CTDP1: variants seen among roughly 807,000 people sequenced by gnomAD.
The protein encoded by CTDP1 is RNA polymerase II subunit A C-terminal domain phosphatase.
In CTDP1, 47 loss-of-function variants were observed where a neutral mutation model predicts 91.8. That is an observed-to-expected ratio of 0.51 (90% CI 0.41 to 0.65). The LOEUF (loss-of-function observed/expected upper bound fraction) is 0.65. Ranked by LOEUF, CTDP1 falls within the 30% of genes least tolerant of loss-of-function variation. The pLI is 0.00. For missense variants in CTDP1, 1,272 were observed against 1,373.7 expected, an observed-to-expected ratio of 0.93 and a Z score of 1.17; for synonymous variants, 656 against 598.5, an observed-to-expected ratio of 1.10 and a Z score of -1.40.
chr18:79,711,122 A>G (rs907407151), intron 6 of CTDP1, among the ~76,000 whole-genome samples: 4 of 151,826 alleles, frequency 2.6e-5, no homozygotes, highest in Non-Finnish European at 4.4e-5. Flanking sequence ...AGACAGCACA[A>G]TTCGATGTCA....
rs976178862 is a variant in CTDP1 at position 79,701,518 on chromosome 18, TAATAAATAAATTA to T, written c.622-3237_622-3225del. Among the ~76,000 whole-genome samples the T allele has an allele frequency of 4.8e-5, 6 of 124,334 alleles. No individual in the cohort carries two copies. In the East Asian group the frequency reaches 6.6e-4, roughly 14 times the overall value. The allele number at this position is 124,334 out of a possible 152,430, so 81.6% of individuals were successfully genotyped here. Reference sequence around the variant, plus strand: ...GAGCAAGACTCCATCTCAAAAAAAATAATAAATAAATTAAATAAATAAATAAATAAATAAATAA... The same window carrying T: ...GAGCAAGACTCCATCTCAAAAAAAATAATAAATAAATAAATAAATAAATAA... On this transcript the variant is annotated intron_variant, in intron 4 of 12. Transcript: ENST00000613122.
intron 10 of CTDP1, among the ~76,000 whole-genome samples, chr18:79,724,674 T>C (rs1454446718): frequency 2.0e-5 from 3 of 152,244 alleles, no homozygotes; most frequent in East Asian, 3.8e-4. Context: ...GCAAAAGTTA[T>C]TAATTTTCAC....
At chr18:79,748,064 ATC>A (rs2086916402) in intron 12 of CTDP1, among the ~76,000 whole-genome samples, 1 of 152,194 alleles carries the variant, frequency 6.6e-6, no homozygotes, top group Non-Finnish European at 1.5e-5. Context: ...CCCAAATTCT[ATC>A]TGTTAACATT....
chr18:79,720,167 C>T (rs1035757087), intron 10 of CTDP1, among the ~76,000 whole-genome samples: 33 of 148,420 alleles, frequency 2.2e-4, no homozygotes, highest in African/African-American at 7.2e-4. Flanking sequence ...GATGATGTCA[C>T]CTGTTGTGTC....
At chr18:79,746,782 A>G (rs1452817786) in intron 12 of CTDP1, among the ~76,000 whole-genome samples, 2 of 152,036 alleles carry the variant, frequency 1.3e-5, no homozygotes, top group Non-Finnish European at 2.9e-5. Context: ...ATGCCTGGCT[A>G]ATGTTTTTAA....
In CTDP1 at chr18:79,715,151, CG is replaced by C. The variant is rs2086176923; in HGVS notation, c.1696del (p.Val566SerfsTer74). On this transcript the variant is annotated frameshift_variant, in exon 8 of 13. Transcript: ENST00000613122. LOFTEE classifies it high-confidence loss of function. ...AETESQNSEL[S>X]GVTAGESLDQ... ...ACCGAGTCACAGAACAGCGAGCTGTCGGGGGTCACTGCGGGTGAGTCCCTGG... is the reference window on the plus strand; with the variant it reads ...ACCGAGTCACAGAACAGCGAGCTGTCGGGGTCACTGCGGGTGAGTCCCTGG... 1 of 1,613,502 alleles carries C rather than the reference CG, an allele frequency of 6.2e-7. No individual in the cohort carries two copies. The highest frequency in any genetic ancestry group is 8.5e-7 in the Non-Finnish European group (1 of 1,179,926).
intron 11 of CTDP1, among the ~76,000 whole-genome samples, chr18:79,731,436 A>C (rs1157814242): frequency 1.3e-5 from 2 of 152,098 alleles, no homozygotes; most frequent in Non-Finnish European, 2.9e-5. Flanking sequence ...CCCGCCCCTC[A>C]TGTGAGGAGC....
rs1297438039 is a variant in CTDP1 at position 79,753,720 on chromosome 18, A to G, written c.2816A>G (p.Asp939Gly). The G allele has an allele frequency of 1.2e-6, 2 of 1,614,062 alleles. No homozygotes were observed. The highest frequency in any genetic ancestry group is 3.3e-5 in the Admixed American group (2 of 60,020). ...SESSRESSNE[D>G]EGSSSEADEM... is the part of the protein sequence containing the mutation. ...TCCAGCAGGGAGTCCAGCAACGAGGATGAGGGCAGCAGCTCCGAGGCCGAC... is the reference window on the plus strand; with the variant it reads ...TCCAGCAGGGAGTCCAGCAACGAGGGTGAGGGCAGCAGCTCCGAGGCCGAC... The change falls in exon 13 of 13, where the codon GAT becomes GGT. Residue 939 changes from aspartate (D) to glycine (G), a missense_variant. Asp to Gly is a moderately conservative substitution (Grantham distance 94). Coordinates refer to ENST00000613122, the MANE Select transcript of CTDP1 (RefSeq NM_004715.5).
downstream of CTDP1, chr18:79,754,607 A>C (rs611771): frequency 6.6e-6 from 1 of 152,348 alleles, no homozygotes; most frequent in Non-Finnish European, 1.5e-5. Flanking sequence ...TCCCACGGAC[A>C]GGACCGTGTG....
intron 11 of CTDP1, among the ~76,000 whole-genome samples, chr18:79,735,053 C>T (rs560176908): frequency 3.9e-4 from 60 of 152,194 alleles, no homozygotes; most frequent in South Asian, 8.3e-4. Context: ...GCAGAGTGGA[C>T]GGGGTGGATG....
At chr18:79,705,321 G>A (rs1402681958) in intron 5 of CTDP1, among the ~76,000 whole-genome samples, 1 of 152,188 alleles carries the variant, frequency 6.6e-6, no homozygotes, top group Non-Finnish European at 1.5e-5. Context: ...GGTACCCTTA[G>A]GGTTTAGCGT....
intron 4 of CTDP1, among the ~76,000 whole-genome samples, chr18:79,700,978 G>A (rs902984691): frequency 3.3e-5 from 5 of 152,218 alleles, no homozygotes; most frequent in African/African-American, 4.8e-5. Flanking sequence ...CTGGATGACA[G>A]CACCTCTGTT....
At chr18:79,733,698 C>T (rs928490674) in intron 11 of CTDP1, among the ~76,000 whole-genome samples, 3 of 152,182 alleles carry the variant, frequency 2.0e-5, no homozygotes, top group Non-Finnish European at 4.4e-5. Flanking sequence ...GATGCTTTCC[C>T]GACCTTGCTC....
At position 79,713,926 on chromosome 18, in the gene CTDP1, C is replaced by T. The variant is rs2086135191; in HGVS notation, c.1031-565C>T. 3.4e-5 allele frequency among the ~76,000 whole-genome samples: 5 copies of T among 145,368 alleles called. No individual in the cohort carries two copies. The highest frequency in any genetic ancestry group is 2.3e-4 in the South Asian group (1 of 4,426). ...CCAGGTCTGCAGGGGCTTACGGCCACGGTGGCGCCAGGTCTGCAGGGGCTT... is the reference window on the plus strand; with the variant it reads ...CCAGGTCTGCAGGGGCTTACGGCCATGGTGGCGCCAGGTCTGCAGGGGCTT... On this transcript the variant is annotated intron_variant, in intron 7 of 12. Coordinates refer to ENST00000613122, the MANE Select transcript of CTDP1 (RefSeq NM_004715.5). The surrounding 1 kb of genome is among the most constrained non-coding windows in gnomAD (Gnocchi z 4.7).
rs547494630 is a variant in CTDP1 at position 79,712,250 on chromosome 18, C to G, written c.864-722C>G. On this transcript the variant is annotated intron_variant, in intron 6 of 12. Coordinates refer to ENST00000613122, the MANE Select transcript of CTDP1 (RefSeq NM_004715.5). Reference sequence around the variant, plus strand: ...GTTTGCATGGAGGTAGCTGGAGGTCCGCTTAGAAATTCTGCATCAGCACTG... The same window carrying G: ...GTTTGCATGGAGGTAGCTGGAGGTCGGCTTAGAAATTCTGCATCAGCACTG... 1.2e-4 allele frequency among the ~76,000 whole-genome samples: 19 copies of G among 152,098 alleles called. No homozygotes were observed. The South Asian group carries it at 4.0e-3, about 32-fold the overall frequency.
At chr18:79,744,766 C>T (rs1417646172) in intron 12 of CTDP1, among the ~76,000 whole-genome samples, 2 of 152,150 alleles carry the variant, frequency 1.3e-5, no homozygotes, top group Non-Finnish European at 2.9e-5. Flanking sequence ...GCGGCCATGG[C>T]GAGACCTTGG....
chr18:79,712,064 A>G (rs531983177), intron 6 of CTDP1, among the ~76,000 whole-genome samples: 11 of 130,252 alleles, frequency 8.4e-5, no homozygotes, highest in African/African-American at 3.1e-4. Context: ...TTTACTTCAG[A>G]AACCTCCTTT....
At chr18:79,752,242 G>A (rs942979574) in intron 12 of CTDP1, among the ~76,000 whole-genome samples, 3 of 148,600 alleles carry the variant, frequency 2.0e-5, no homozygotes, top group Non-Finnish European at 3.0e-5. Flanking sequence ...TAGTGGCACC[G>A]GCTGGTTATG....
At chr18:79,723,905 G>C (rs1189792581) in intron 10 of CTDP1, among the ~76,000 whole-genome samples, 1 of 152,188 alleles carries the variant, frequency 6.6e-6, no homozygotes, top group Non-Finnish European at 1.5e-5. Flanking sequence ...CCAGTTCCTG[G>C]AGCACCTCCG....
Sources: allele counts gnomAD v4.1 joint callset (sites outside exome capture counted in the v4.1 genomes callset), GRCh38; gene constraint gnomAD v4.1.1; non-coding constraint Gnocchi (gnomAD v3.1); transcripts MANE v1.5; gene names NCBI Gene and HGNC (gene_info 2026-07-23, HGNC 2026-07-21).